Variants in VPS53 observed in about 807,000 individuals in gnomAD.
The protein encoded by VPS53 is VPS53 subunit of GARP complex.
VPS53 carries 70 observed loss-of-function variants against 107.0 expected under a neutral mutation model. The observed-to-expected ratio is 0.65, with a 90% CI of 0.54 to 0.80. The LOEUF is 0.80. VPS53 is among the 30% of genes least tolerant of loss of function. VPS53 has a pLI of 0.00. For missense variants in VPS53, 917 were observed against 1,049.4 expected, an observed-to-expected ratio of 0.87 and a Z score of 1.74; for synonymous variants, 409 against 393.3, an observed-to-expected ratio of 1.04 and a Z score of -0.47.
At chr17:683,068 A>AT (rs1444379263) in intron 4 of VPS53, among the ~76,000 whole-genome samples, 1 of 152,198 alleles carries the variant, frequency 6.6e-6, no homozygotes, top group African/African-American at 2.4e-5. Context: ...CAAAAAAAGG[A>AT]TTGGTGAACT....
At chr17:529,133 G>A (rs1909335617) in intron 19 of VPS53, among the ~76,000 whole-genome samples, 1 of 152,086 alleles carries the variant, frequency 6.6e-6, no homozygotes. Context: ...ACTATTTACT[G>A]AAAAGACTCT....
intron 18 of VPS53, among the ~76,000 whole-genome samples, chr17:533,695 T>C (rs1909781635): frequency 6.6e-6 from 1 of 152,106 alleles, no homozygotes; most frequent in Non-Finnish European, 1.5e-5. Context: ...CCTAGTTCAT[T>C]ATGCTCATTT....
chr17:522,182 G>A (rs1473102321), intron 19 of VPS53, among the ~76,000 whole-genome samples: 2 of 152,192 alleles, frequency 1.3e-5, no homozygotes, highest in Non-Finnish European at 2.9e-5. Flanking sequence ...TTAAGCCTGG[G>A]AGGTTGAGGC....
At chr17:626,445 G>A (rs375822937) in intron 10 of VPS53, among the ~76,000 whole-genome samples, 6 of 152,096 alleles carry the variant, frequency 3.9e-5, no homozygotes, top group African/African-American at 1.2e-4. Context: ...TAAAATGGGC[G>A]GGCAGATCAC....
At chr17:605,949 A>T (rs575735908) in intron 11 of VPS53, among the ~76,000 whole-genome samples, 1 of 152,110 alleles carries the variant, frequency 6.6e-6, no homozygotes, top group African/African-American at 2.4e-5. Flanking sequence ...TTTGGATTTT[A>T]AAAATATTCC....
intron 7 of VPS53, 135 bp downstream of exon 7, chr17:653,156 G>A (rs1287419441): frequency 5.2e-6 from 8 of 1,535,692 alleles, no homozygotes; most frequent in East Asian, 4.6e-5. Context: ...CTTTCCCTCC[G>A]GTGACAGTTT....
At chr17:626,766 T>C (rs1275440337) in intron 10 of VPS53, among the ~76,000 whole-genome samples, 2 of 152,160 alleles carry the variant, frequency 1.3e-5, no homozygotes, top group African/African-American at 4.8e-5. Flanking sequence ...GTCTGCTATA[T>C]CATTAAGGTA....
At position 511,583 on chromosome 17, in the gene VPS53, AC is replaced by A. The variant is rs1399813755; in HGVS notation, c.*7544del. 6 of 152,154 alleles carry A rather than the reference AC, an allele frequency of 3.9e-5. No individual in the cohort carries two copies. Among genetic ancestry groups the A allele is most frequent in the Non-Finnish European group, 7.3e-5 (5 of 68,034 alleles). 9.4% of individuals were successfully genotyped at this position (152,154 alleles called of 1,614,324 possible). ...AGGGGACAGACAGAAACAGAAAGGA[AC>A]TTTTGGGCTGATTATAAGGATTCAG... is the stretch of plus-strand genomic sequence containing the variant. On this transcript the variant is annotated 3_prime_UTR_variant, in exon 22 of 22. Transcript: ENST00000437048.
At position 601,883 on chromosome 17, in the gene VPS53, G is replaced by T. The variant is rs778543247; in HGVS notation, c.1130C>A (p.Ser377Tyr). 2.3e-5 allele frequency: 37 copies of T among 1,587,748 alleles called. No individual in the cohort carries two copies. The highest frequency in any genetic ancestry group is 2.9e-5 in the Non-Finnish European group (34 of 1,166,620). ...LTDGTLKKLE[S>Y]PPPSTNPFLE... ...GAAGGGATTGGTAGATGGGGGTGGAGACTCAAGCTTTTTCTGTTAGGTAGA... is the reference window on the plus strand; with the variant it reads ...GAAGGGATTGGTAGATGGGGGTGGATACTCAAGCTTTTTCTGTTAGGTAGA... The change falls in exon 12 of 22, where the codon TCT (serine) becomes TAT (tyrosine). Residue 377 changes from serine to tyrosine, a missense_variant. Transcript: ENST00000437048.
intron 19 of VPS53, among the ~76,000 whole-genome samples, chr17:529,465 G>C (rs1909370821): frequency 6.6e-6 from 1 of 151,988 alleles, no homozygotes; most frequent in Admixed American, 6.6e-5. Flanking sequence ...AATTGATACA[G>C]TAATTAGGAT....
intron 4 of VPS53, among the ~76,000 whole-genome samples, chr17:662,500 T>C (rs186667855): frequency 1.3e-3 from 195 of 151,974 alleles, no homozygotes; most frequent in East Asian, 3.3e-3. Context: ...CCATCCTGGC[T>C]AACACGGTGA....
At chr17:687,010 C>T (rs567507527) in intron 4 of VPS53, among the ~76,000 whole-genome samples, 19 of 152,078 alleles carry the variant, frequency 1.2e-4, no homozygotes, top group African/African-American at 3.6e-4. Flanking sequence ...ATTAGCTGGG[C>T]GCAGTGGCTC....
chr17:673,230 C>A (rs964676186), intron 4 of VPS53, among the ~76,000 whole-genome samples: 2 of 152,078 alleles, frequency 1.3e-5, no homozygotes, highest in Admixed American at 1.3e-4. Context: ...AAGCCCTACA[C>A]GGAAGCCCTC....
rs374258699 is a variant in VPS53, at chr17:562,741, G to A, written c.1318C>T (p.Leu440Phe). Residue 440 changes from leucine to phenylalanine, a missense_variant, in exon 14 of 22, where the codon CTC (leucine) becomes TTC (phenylalanine). By Grantham distance (22) the Leu-to-Phe change is conservative (BLOSUM62 0). Coordinates refer to ENST00000437048, the MANE Select transcript of VPS53 (RefSeq NM_001128159.3). ...YVYIESQDKNLGELIDRFVAD... is the reference protein window; with the variant it reads ...YVYIESQDKNFGELIDRFVAD... ...ACAAACCGATCTATCAGCTCTCCGA[G>A]GTTCCTAGGAGGAAAAAAAAAAACC... 2 of 1,601,548 alleles carry A rather than the reference G, an allele frequency of 1.2e-6. No homozygotes were observed. The highest frequency in any genetic ancestry group is 2.7e-5 in the African/African-American group (2 of 73,748).
At chr17:554,420 TGA>T (rs1043186499) in intron 15 of VPS53, among the ~76,000 whole-genome samples, 1 of 152,208 alleles carries the variant, frequency 6.6e-6, no homozygotes, top group Non-Finnish European at 1.5e-5. Flanking sequence ...CCTTTTTTTT[TGA>T]GACGGAGTTT....
rs539665189 is a variant in VPS53, at chr17:645,775, A to C, written c.608+7516T>G. On this transcript the variant is annotated intron_variant, in intron 7 of 21. Transcript: ENST00000437048. ...ATACCGACTGGAGATAGGCTCCCAC[A>C]CACATCTCCGTGACCGTGTGGCCAC... Among the ~76,000 whole-genome samples the C allele has an allele frequency of 5.3e-5, 8 of 150,746 alleles. 1 individual carries two copies. The South Asian group carries it at 1.7e-3, about 31-fold the overall frequency.
In VPS53 at chr17:510,668, CA is replaced by C. The variant is rs1305398822; in HGVS notation, c.*8459del. On this transcript the variant is annotated 3_prime_UTR_variant, in exon 22 of 22. Transcript: ENST00000437048. The stretch of plus-strand genomic sequence containing the variant: ...ATGTATCCAGGACACAGTAAATACA[CA>C]GTTACCTTTTCCTTCCCACCCCACC... The C allele has an allele frequency of 6.5e-6, 1 of 152,734 alleles. No individual in the cohort carries two copies. The highest frequency in any genetic ancestry group is 1.5e-5 in the Non-Finnish European group (1 of 68,386). 9.5% of individuals were successfully genotyped at this position (152,734 alleles called of 1,614,324 possible).
intron 2 of VPS53, among the ~76,000 whole-genome samples, chr17:708,547 G>A (rs550811567): frequency 2.4e-4 from 37 of 152,264 alleles, no homozygotes; most frequent in Middle Eastern, 3.4e-3. Context: ...TGAAGCCTCC[G>A]GATGACTGTG....
chr17:677,954 C>T (rs60060532), intron 4 of VPS53, among the ~76,000 whole-genome samples: 21,293 of 151,684 alleles, frequency 0.14, 1,884 homozygotes, highest in East Asian at 0.4. Flanking sequence ...CCGGATTCCA[C>T]GAGAAATACA....
Sources: gnomAD v4.1 joint callset for allele counts (sites outside exome capture counted in the v4.1 genomes callset) on GRCh38, gnomAD v4.1.1 for gene constraint, MANE v1.5 for transcripts, NCBI Gene and HGNC (gene_info 2026-07-23, HGNC 2026-07-21) for gene names.